The following ERGIC2 variants were observed in gnomAD, a reference collection of about 807,000 sequenced individuals.
The protein encoded by ERGIC2 is endoplasmic reticulum-Golgi intermediate compartment protein 2.
A neutral mutation model predicts 52.5 loss-of-function variants in ERGIC2; 31 were observed. That is an observed-to-expected ratio of 0.59 (90% CI 0.44 to 0.80). The LOEUF is 0.80. Among genes scored for constraint, ERGIC2 ranks in the 30% least tolerant of loss-of-function variants. The probability of loss-of-function intolerance (pLI) is 0.00; values close to 1 mark genes in which losing one functional copy is unlikely to be tolerated. For missense variants in ERGIC2, 395 were observed against 455.2 expected (o/e 0.87, Z 1.20); for synonymous variants, 129 against 140.6 (o/e 0.92, Z 0.58).
At chr12:29,365,402 C>T (rs569371189) in intron 5 of ERGIC2, among the ~76,000 whole-genome samples, 8 of 151,912 alleles carry the variant, frequency 5.3e-5, no homozygotes, top group Non-Finnish European at 1.0e-4. Context: ...GGGAGCTAAA[C>T]GCTGGGTACT....
intron 6 of ERGIC2, among the ~76,000 whole-genome samples, chr12:29,359,298 T>C (rs1332963428): frequency 2.0e-5 from 3 of 152,010 alleles, no homozygotes; most frequent in Non-Finnish European, 4.4e-5. Context: ...TTCACTTTTT[T>C]TGTGTCTTGT....
chr12:29,370,273 CA>C, intron 2 of ERGIC2, 51 bp from the exon 3 acceptor site: 1 of 1,480,154 alleles, frequency 6.8e-7, no homozygotes, highest in East Asian at 2.6e-5. Flanking sequence ...ATAAAAAAAG[CA>C]AAGAATAGGA....
At chr12:29,342,274 A>G (rs949751068) in intron 12 of ERGIC2, among the ~76,000 whole-genome samples, 4 of 152,200 alleles carry the variant, frequency 2.6e-5, no homozygotes, top group African/African-American at 7.2e-5. Context: ...TTGGCCTCCC[A>G]AAGTGTTGGG....
intron 1 of ERGIC2, among the ~76,000 whole-genome samples, chr12:29,374,617 T>C (rs186125981): frequency 1.0e-3 from 157 of 152,298 alleles, no homozygotes; most frequent in African/African-American, 3.6e-3. Flanking sequence ...CCTGTAAAAA[T>C]TGTTCCTCCT....
intron 8 of ERGIC2, among the ~76,000 whole-genome samples, chr12:29,354,809 CTT>C (rs972937820): frequency 5.3e-5 from 8 of 152,144 alleles, no homozygotes; most frequent in African/African-American, 1.7e-4. Flanking sequence ...AAATTTCCCT[CTT>C]TGAGTTGGTT....
chr12:29,342,772 T>C (rs1443338605), intron 12 of ERGIC2, among the ~76,000 whole-genome samples: 2 of 152,168 alleles, frequency 1.3e-5, no homozygotes, highest in Non-Finnish European at 2.9e-5. Context: ...AATTAGGTAT[T>C]ATTATTGCTA....
chr12:29,339,382 GATTGA>G lies in ERGIC2; in HGVS notation c.*1769_*1773del, dbSNP rs1319335673. 2.6e-5 allele frequency: 4 copies of G among 151,982 alleles called. No individual in the cohort carries two copies. The highest frequency in any genetic ancestry group is 5.9e-5 in the Non-Finnish European group (4 of 67,980). 9.4% of individuals were successfully genotyped at this position (151,982 alleles called of 1,614,324 possible). A position where few individuals can be genotyped will look rare whatever the true frequency, so the allele number is the denominator to read the frequency against. Reference sequence around the variant, plus strand: ...CCATTTAGAAAAAGCCTTGAAACTCGATTGAATTTTCTTCCAAGCATACTTAAAGG... The same window carrying G: ...CCATTTAGAAAAAGCCTTGAAACTCGATTTTCTTCCAAGCATACTTAAAGG... On this transcript the variant is annotated 3_prime_UTR_variant, in exon 14 of 14. Coordinates refer to ENST00000360150, the MANE Select transcript of ERGIC2 (RefSeq NM_016570.3).
chr12:29,340,633 A>T lies in ERGIC2; in HGVS notation c.*523T>A. 4.0e-6 allele frequency: 1 copy of T among 251,828 alleles called. No homozygotes were observed. The highest frequency in any genetic ancestry group is 7.7e-6 in the Non-Finnish European group (1 of 129,090). The allele number at this position is 251,828 out of a possible 1,614,324, so 15.6% of individuals were successfully genotyped here. On this transcript the variant is annotated 3_prime_UTR_variant, in exon 14 of 14. Coordinates refer to ENST00000360150, the MANE Select transcript of ERGIC2 (RefSeq NM_016570.3). ...AATATGGCTTAACATTAATATGGCT[A>T]TAACATAGGGACTAGCCCGTTTTTT...
At chr12:29,380,037 T>C (rs1940564890) in intron 1 of ERGIC2, among the ~76,000 whole-genome samples, 1 of 135,000 alleles carries the variant, frequency 7.4e-6, no homozygotes, top group African/African-American at 2.9e-5. Context: ...CGCAACTGTA[T>C]ACTAAAGTTC....
chr12:29,363,802 A>G (rs184390923), intron 5 of ERGIC2, among the ~76,000 whole-genome samples: 2 of 151,486 alleles, frequency 1.3e-5, no homozygotes, highest in African/African-American at 4.8e-5. Context: ...GTAGGGGGAA[A>G]AAAAAAGATA....
Position 29,370,124 on chromosome 12 carries a change from C to A in ERGIC2, c.205G>T (p.Asp69Tyr). The A allele has an allele frequency of 6.6e-7, 1 of 1,508,732 alleles. No homozygotes were observed. Among genetic ancestry groups the A allele is most frequent in the South Asian group, 1.4e-5 (1 of 72,312 alleles). The allele number at this position is 1,508,732 out of a possible 1,614,324, so 93.5% of individuals were successfully genotyped here. A position where few individuals can be genotyped will look rare whatever the true frequency, so the allele number is the denominator to read the frequency against. The change falls in exon 3 of 14, where the codon GAT (aspartate) becomes TAT (tyrosine). Residue 69 changes from aspartate to tyrosine, a missense_variant. Asp to Tyr is a radical substitution (Grantham distance 160, BLOSUM62 -3). Transcript: ENST00000360150. The stretch of plus-strand genomic sequence containing the variant: ...AAAAAAAATGATTACCTAGAAAAAT[C>A]CTTGTCTACTTCGTATTCATACTTC... Reference protein sequence around the residue: ...WMKYEYEVDKDFSSKLRINID... With the variant: ...WMKYEYEVDKYFSSKLRINID...
chr12:29,352,345 G>A (rs999407477), intron 8 of ERGIC2, among the ~76,000 whole-genome samples: 5 of 152,048 alleles, frequency 3.3e-5, no homozygotes, highest in African/African-American at 1.2e-4. Flanking sequence ...CTCCCCTTCT[G>A]ATTTATTTTC....
intron 1 of ERGIC2, among the ~76,000 whole-genome samples, chr12:29,380,275 T>G (rs963902089): frequency 1.3e-5 from 2 of 152,202 alleles, no homozygotes; most frequent in Non-Finnish European, 2.9e-5. Context: ...TGGAGTCCAA[T>G]GTATCAGGCT....
chr12:29,371,967 T>C (rs755549738), intron 1 of ERGIC2, among the ~76,000 whole-genome samples: 4 of 152,188 alleles, frequency 2.6e-5, no homozygotes, highest in Non-Finnish European at 5.9e-5. Flanking sequence ...TGTTTTCTAT[T>C]AAATTGAAAA....
At chr12:29,373,294 A>T (rs189006770) in intron 1 of ERGIC2, among the ~76,000 whole-genome samples, 40 of 152,310 alleles carry the variant, frequency 2.6e-4, no homozygotes, top group Admixed American at 1.7e-3. Flanking sequence ...AGATATTTAC[A>T]TAATTTTTAT....
At chr12:29,361,453 G>C (rs1049320564) in intron 6 of ERGIC2, among the ~76,000 whole-genome samples, 192 bp downstream of exon 6, 2 of 152,100 alleles carry the variant, frequency 1.3e-5, no homozygotes, top group African/African-American at 4.8e-5. Context: ...AAGTTTACCA[G>C]AGAAAAGATT....
intron 1 of ERGIC2, among the ~76,000 whole-genome samples, chr12:29,375,663 G>A (rs903457780): frequency 2.6e-5 from 4 of 152,148 alleles, no homozygotes; most frequent in Non-Finnish European, 4.4e-5. Flanking sequence ...ATAAAGATAC[G>A]GCAAGCAGTT....
At chr12:29,353,040 T>C (rs1161712310) in intron 8 of ERGIC2, among the ~76,000 whole-genome samples, 1 of 152,210 alleles carries the variant, frequency 6.6e-6, no homozygotes, top group Admixed American at 6.5e-5. Context: ...CTGTTACCAT[T>C]GTCAAGTTTC....
At chr12:29,379,529 G>C (rs1940558325) in intron 1 of ERGIC2, among the ~76,000 whole-genome samples, 1 of 152,134 alleles carries the variant, frequency 6.6e-6, no homozygotes, top group South Asian at 2.1e-4. Context: ...TCTACATTTT[G>C]ACTAAGTAAC....
Sources: gnomAD v4.1 joint callset for allele counts (sites outside exome capture counted in the v4.1 genomes callset) on GRCh38, gnomAD v4.1.1 for gene constraint, MANE v1.5 for transcripts, NCBI Gene and HGNC (gene_info 2026-07-23, HGNC 2026-07-21) for gene names.